The following BCKDHB variants were observed in gnomAD, a reference collection of about 807,000 sequenced individuals.
BCKDHB encodes the protein branched chain keto acid dehydrogenase E1 subunit beta, also known as 2-oxoisovalerate dehydrogenase subunit beta, mitochondrial.
Under a neutral mutation model 48.5 loss-of-function variants are expected in BCKDHB, and 41 were observed. The ratio of observed to expected loss-of-function variants is 0.85; its 90% CI spans 0.66 to 1.10. BCKDHB has a LOEUF of 1.10. BCKDHB is among the 50% of genes least tolerant of loss of function. The pLI, the probability that BCKDHB is intolerant of heterozygous loss-of-function variation, is 0.00. For synonymous variants in BCKDHB, 201 were observed against 174.8 expected (o/e 1.15, Z -1.18); for missense variants, 496 against 494.2 (o/e 1.00, Z -0.03).
intron 8 of BCKDHB, among the ~76,000 whole-genome samples, chr6:80,226,152 C>T (rs891270826): frequency 2.0e-5 from 3 of 152,174 alleles, no homozygotes; most frequent in Non-Finnish European, 4.4e-5. Context: ...AGTAATTCTT[C>T]AGTGACTATG....
chr6:80,335,973 C>T (rs1196814708), intron 9 of BCKDHB, among the ~76,000 whole-genome samples: 1 of 151,946 alleles, frequency 6.6e-6, no homozygotes, highest in Non-Finnish European at 1.5e-5. Flanking sequence ...ACAATAAGCA[C>T]AGTGTACTTT....
the BCKDHB span, among the ~76,000 whole-genome samples, chr6:80,457,500 C>A: frequency 6.6e-6 from 1 of 152,202 alleles, no homozygotes; most frequent in Non-Finnish European, 1.5e-5. Flanking sequence ...TCCCTCCTGT[C>A]TGTTTGGGTG....
At chr6:80,399,775 C>T in the BCKDHB span, among the ~76,000 whole-genome samples, 2 of 152,168 alleles carry the variant, frequency 1.3e-5, no homozygotes, top group African/African-American at 4.8e-5. Flanking sequence ...CAAAAATTAG[C>T]CTCAATAGCG....
At chr6:80,185,580 C>T (rs1056103191) in intron 6 of BCKDHB, among the ~76,000 whole-genome samples, 1 of 152,178 alleles carries the variant, frequency 6.6e-6, no homozygotes, top group African/African-American at 2.4e-5. Flanking sequence ...AACTCAAGGG[C>T]TGCTGTTCAG....
chr6:80,317,420 G>A (rs1247454382), intron 9 of BCKDHB, among the ~76,000 whole-genome samples: 1 of 152,142 alleles, frequency 6.6e-6, no homozygotes, highest in Non-Finnish European at 1.5e-5. Flanking sequence ...ACTTCTTGCG[G>A]CCTCTCACAT....
At chr6:80,287,187 A>G (rs1766666668) in intron 9 of BCKDHB, among the ~76,000 whole-genome samples, 1 of 152,196 alleles carries the variant, frequency 6.6e-6, no homozygotes, top group African/African-American at 2.4e-5. Context: ...AGAGATCCCA[A>G]GCTGGTAATG....
the BCKDHB span, chr6:80,356,961 C>CCCCCCCCA: frequency 9.8e-6 from 1 of 102,490 alleles, no homozygotes; most frequent in African/African-American, 4.0e-5. Flanking sequence ...CGCCCCCCCC[C>CCCCCCCCA]CACACACACG....
At chr6:80,463,412 G>A in the BCKDHB span, among the ~76,000 whole-genome samples, 5 of 152,148 alleles carry the variant, frequency 3.3e-5, no homozygotes, top group Admixed American at 1.3e-4. Flanking sequence ...TGACTTGGTA[G>A]ACTTCAAACA....
At chr6:80,273,002 A>T (rs1777814567) in intron 8 of BCKDHB, 133 bp from the exon 9 acceptor site, 1 of 741,326 alleles carries the variant, frequency 1.3e-6, no homozygotes, top group African/African-American at 1.8e-5. Context: ...ACTTATTGGC[A>T]TACAATTGAA....
chr6:80,182,155 T>C (rs1163842951), intron 6 of BCKDHB, among the ~76,000 whole-genome samples: 1 of 152,218 alleles, frequency 6.6e-6, no homozygotes, highest in Non-Finnish European at 1.5e-5. Flanking sequence ...GTTCCAGATA[T>C]CTAAAGCCGG....
chr6:80,166,778 G>T (rs1772593399), intron 3 of BCKDHB, among the ~76,000 whole-genome samples: 1 of 152,078 alleles, frequency 6.6e-6, no homozygotes, highest in Non-Finnish European at 1.5e-5. Flanking sequence ...GTTGAGATTG[G>T]ATTTGTAGTC....
the BCKDHB span, among the ~76,000 whole-genome samples, chr6:80,400,207 C>T: frequency 1.7e-3 from 262 of 152,054 alleles, 3 homozygotes; most frequent in East Asian, 0.017. Context: ...AAAGCAATTG[C>T]GACAAAACCC....
At chr6:80,124,854 A>G (rs1004247077) in intron 1 of BCKDHB, among the ~76,000 whole-genome samples, 33 of 152,250 alleles carry the variant, frequency 2.2e-4, no homozygotes, top group African/African-American at 7.9e-4. Context: ...TTGTTGTTTC[A>G]TTGAAAGAGA....
At chr6:80,308,629 C>G (rs926215390) in intron 9 of BCKDHB, among the ~76,000 whole-genome samples, 7 of 146,288 alleles carry the variant, frequency 4.8e-5, no homozygotes, top group African/African-American at 1.3e-4. Flanking sequence ...GAGTCTCGCT[C>G]TGTCGCCCAG....
chr6:80,298,774 A>C (rs534824673), intron 9 of BCKDHB, among the ~76,000 whole-genome samples: 1 of 152,258 alleles, frequency 6.6e-6, no homozygotes, highest in East Asian at 1.9e-4. Flanking sequence ...CAGGGTGGGG[A>C]AGATGAAGAG....
intron 9 of BCKDHB, among the ~76,000 whole-genome samples, chr6:80,335,931 ATTTTAAAATAT>A (rs1769570331): frequency 1.3e-5 from 2 of 152,082 alleles, no homozygotes; most frequent in South Asian, 4.1e-4. Flanking sequence ...ATGAGTTAAT[ATTTTAAAATAT>A]TTAAGTATGG....
intron 8 of BCKDHB, among the ~76,000 whole-genome samples, chr6:80,260,916 A>G (rs1208701601): frequency 6.6e-6 from 1 of 152,218 alleles, no homozygotes; most frequent in East Asian, 1.9e-4. Flanking sequence ...CTTAAAGTAT[A>G]GGTTGCAAAC....
At chr6:80,167,047 A>G (rs999101361) in intron 3 of BCKDHB, among the ~76,000 whole-genome samples, 104 of 151,778 alleles carry the variant, frequency 6.9e-4, no homozygotes, top group African/African-American at 2.4e-3. Flanking sequence ...GCTTTTTTCC[A>G]TTTATTTGGA....
At chr6:80,171,230 T>C in intron 5 of BCKDHB, 52 bp from the exon 6 acceptor site, 2 of 1,064,692 alleles carry the variant, frequency 1.9e-6, no homozygotes, top group Non-Finnish European at 2.9e-6. Context: ...AGCAGCGAGT[T>C]TACTGGGATA....
Sources: allele counts gnomAD v4.1 joint callset (sites outside exome capture counted in the v4.1 genomes callset), GRCh38; gene constraint gnomAD v4.1.1; transcripts MANE v1.5; gene names NCBI Gene and HGNC (gene_info 2026-07-23, HGNC 2026-07-21).